PRKCH: variants seen among roughly 807,000 people sequenced by gnomAD.
The protein encoded by PRKCH is protein kinase C eta.
Under a neutral mutation model 82.5 loss-of-function variants are expected in PRKCH, and 28 were observed. The observed-to-expected ratio is 0.34, with a 90% confidence interval of 0.25 to 0.47. The LOEUF (loss-of-function observed/expected upper bound fraction) is 0.47. Among genes scored for constraint, PRKCH ranks in the 20% least tolerant of loss-of-function variants. The pLI is 1.00. For missense variants in PRKCH, 705 were observed against 881.8 expected, an observed-to-expected ratio of 0.80 and a Z score of 2.54; for synonymous variants, 322 against 327.4, an observed-to-expected ratio of 0.98 and a Z score of 0.18.
rs562985200 is a variant in PRKCH at position 61,503,742 on chromosome 14, G to C, written c.1433+18086G>C. Reference sequence around the variant, plus strand: ...TGTTACAAAGCGCTTTACCTCTGAAGCATGTCTCAGGGGCAGCTGTGCTTT... The same window carrying C: ...TGTTACAAAGCGCTTTACCTCTGAACCATGTCTCAGGGGCAGCTGTGCTTT... On this transcript the variant is annotated intron_variant, in intron 10 of 13. Transcript: ENST00000332981. Among the ~76,000 whole-genome samples the C allele has an allele frequency of 8.4e-4, 128 of 152,224 alleles. 1 individual carries two copies. The highest frequency in any genetic ancestry group is 1.2e-3 in the Non-Finnish European group (83 of 68,028).
intron 1 of PRKCH, among the ~76,000 whole-genome samples, chr14:61,259,681 A>C (rs953926728): frequency 1.3e-5 from 2 of 152,226 alleles, no homozygotes; most frequent in African/African-American, 4.8e-5. Context: ...TAATCTTTTC[A>C]ATAAATCTCC....
intron 13 of PRKCH, 29 bp from the exon 14 acceptor site, chr14:61,549,656 C>A: frequency 6.2e-7 from 1 of 1,606,112 alleles, no homozygotes; most frequent in Non-Finnish European, 8.5e-7. Flanking sequence ...GCAAAAATCT[C>A]ACCCTTGTTT....
intron 9 of PRKCH, among the ~76,000 whole-genome samples, chr14:61,474,223 G>T (rs2147539): frequency 0.5 from 75,663 of 152,012 alleles, 23,106 homozygotes; most frequent in Non-Finnish European, 0.67. Flanking sequence ...ACCATCTTAG[G>T]ATCTGCTCAT....
At chr14:61,235,389 C>T (rs952373143) in intron 1 of PRKCH, among the ~76,000 whole-genome samples, 1 of 152,210 alleles carries the variant, frequency 6.6e-6, no homozygotes, top group Non-Finnish European at 1.5e-5. Context: ...GGTATGTTAT[C>T]CATTCACCGT....
intron 10 of PRKCH, among the ~76,000 whole-genome samples, chr14:61,515,549 T>C (rs138592361): frequency 3.2e-4 from 49 of 152,282 alleles, no homozygotes; most frequent in African/African-American, 1.1e-3. Flanking sequence ...TTGGTCTTAG[T>C]GGAGATGTCA....
intron 12 of PRKCH, among the ~76,000 whole-genome samples, 172 bp from the exon 13 acceptor site, chr14:61,547,571 T>A (rs2184633): frequency 0.56 from 85,764 of 152,178 alleles, 30,026 homozygotes; most frequent in Non-Finnish European, 0.78. Context: ...AATCGCGCCT[T>A]TAAGGCATGA....
intron 5 of PRKCH, among the ~76,000 whole-genome samples, chr14:61,450,524 TG>T (rs1884455520): frequency 6.6e-6 from 1 of 152,140 alleles, no homozygotes; most frequent in South Asian, 2.1e-4. Context: ...GGGAAATAGA[TG>T]GGGGTGTTAG....
At chr14:61,345,618 A>G (rs564638589) in intron 1 of PRKCH, among the ~76,000 whole-genome samples, 1 of 152,352 alleles carries the variant, frequency 6.6e-6, no homozygotes, top group South Asian at 2.1e-4. Context: ...CACAATAAGG[A>G]TTAATTAGGT....
At chr14:61,505,675 G>A (rs986356894) in intron 10 of PRKCH, among the ~76,000 whole-genome samples, 7 of 151,886 alleles carry the variant, frequency 4.6e-5, no homozygotes, top group African/African-American at 7.2e-5. Context: ...ACGCCCAGCC[G>A]GATTTCTTTT....
chr14:61,356,197 C>T (rs189626039), intron 1 of PRKCH, among the ~76,000 whole-genome samples: 2 of 152,240 alleles, frequency 1.3e-5, no homozygotes, highest in Admixed American at 1.3e-4. Context: ...CATTGTTTTG[C>T]AGGCTGCCTG....
At chr14:61,455,819 C>T (rs1277495357) in intron 7 of PRKCH, among the ~76,000 whole-genome samples, 3 of 152,144 alleles carry the variant, frequency 2.0e-5, no homozygotes, top group Non-Finnish European at 4.4e-5. Flanking sequence ...GGGCCAGCTG[C>T]AAAAGTCACC....
At chr14:61,339,569 T>C (rs372945399) in intron 1 of PRKCH, among the ~76,000 whole-genome samples, 11 of 144,994 alleles carry the variant, frequency 7.6e-5, no homozygotes, top group Admixed American at 2.7e-4. Flanking sequence ...ATGATCCACC[T>C]GCCTCGGCCT....
chr14:61,513,609 G>A (rs941847613), intron 10 of PRKCH, among the ~76,000 whole-genome samples: 1 of 152,070 alleles, frequency 6.6e-6, no homozygotes, highest in Non-Finnish European at 1.5e-5. Context: ...TTTATAAAAT[G>A]TATTAAAAGT....
At chr14:61,385,433 T>C (rs970329764) in intron 1 of PRKCH, among the ~76,000 whole-genome samples, 1 of 152,114 alleles carries the variant, frequency 6.6e-6, no homozygotes, top group Non-Finnish European at 1.5e-5. Context: ...GAGCACAGGA[T>C]GTGGGAAGCA....
chr14:61,283,986 A>T (rs1372309976), intron 1 of PRKCH, among the ~76,000 whole-genome samples: 1 of 152,142 alleles, frequency 6.6e-6, no homozygotes, highest in Non-Finnish European at 1.5e-5. Context: ...GATGTCAGAG[A>T]AGTGTGTATC....
chr14:61,288,561 TTTTCTC>T (rs139414515), intron 1 of PRKCH, among the ~76,000 whole-genome samples: 7,558 of 152,232 alleles, frequency 0.05, 619 homozygotes, highest in African/African-American at 0.17. Flanking sequence ...GCCCCTGACT[TTTTCTC>T]TGAATAGTAA....
Position 61,449,164 on chromosome 14 carries a change from T to G in PRKCH, c.614T>G (p.Val205Gly). The G allele has an allele frequency of 6.2e-7, 1 of 1,613,376 alleles. No homozygotes were observed. Among genetic ancestry groups the G allele is most frequent in the East Asian group, 2.2e-5 (1 of 44,866 alleles). Residue 205 changes from valine (V) to glycine (G), a missense_variant and splice_region_variant, in exon 5 of 14, where the codon GTG (valine) becomes GGG (glycine). This residue lies in a region of PRKCH where 246 missense variants were observed against 308.0 expected (regional missense o/e 0.80). Coordinates refer to ENST00000332981, the MANE Select transcript of PRKCH (RefSeq NM_006255.5). ...VFGKQGYQCQ[V>G]CTCVVHKRCH... ...ATAATTGCTGGATTTAATTTCCTAG[T>G]GTGCACCTGTGTCGTCCATAAACGC...
In PRKCH at chr14:61,324,639, A is replaced by C. The variant is rs140020394; in HGVS notation, c.363+2175A>C. Reference sequence around the variant, plus strand: ...AGGTTCAAAAATGCTTTAAAAAAATAGAGATGGGGTCTTGCTACCTTGTTG... The same window carrying C: ...AGGTTCAAAAATGCTTTAAAAAAATCGAGATGGGGTCTTGCTACCTTGTTG... On this transcript the variant is annotated intron_variant, in intron 1 of 13. Coordinates refer to ENST00000332981, the MANE Select transcript of PRKCH (RefSeq NM_006255.5). Among the ~76,000 whole-genome samples, 121 of 152,284 alleles carry C rather than the reference A, an allele frequency of 7.9e-4. No individual in the cohort carries two copies. In the East Asian group the frequency reaches 0.022, roughly 28 times the overall value.
At chr14:61,252,510 G>C (rs964762731) in intron 1 of PRKCH, among the ~76,000 whole-genome samples, 3 of 152,148 alleles carry the variant, frequency 2.0e-5, no homozygotes, top group Non-Finnish European at 2.9e-5. Context: ...CTCTGCCAAG[G>C]TCAGAGCACT....
Sources: gnomAD v4.1 joint callset for allele counts (sites outside exome capture counted in the v4.1 genomes callset) on GRCh38, gnomAD v4.1.1 for gene constraint, gnomAD v4.1.1 regional missense constraint, MANE v1.5 for transcripts, NCBI Gene and HGNC (gene_info 2026-07-23, HGNC 2026-07-21) for gene names.